The following DLG2 variants were observed in gnomAD, a reference collection of about 807,000 sequenced individuals.
The protein encoded by DLG2 is disks large homolog 2.
A neutral mutation model predicts 132.5 loss-of-function variants in DLG2; 45 were observed. The observed-to-expected ratio is 0.34, with a 90% CI of 0.27 to 0.44. DLG2 has a LOEUF of 0.44. DLG2 is among the 20% of genes least tolerant of loss of function. DLG2 has a pLI of 1.00. For synonymous variants in DLG2, 424 were observed against 419.6 expected, an observed-to-expected ratio of 1.01 and a Z score of -0.13; for missense variants, 1,045 against 1,196.9, an observed-to-expected ratio of 0.87 and a Z score of 1.87.
At chr11:84,271,100 T>A (rs2097716177) in intron 7 of DLG2, among the ~76,000 whole-genome samples, 1 of 152,012 alleles carries the variant, frequency 6.6e-6, no homozygotes, top group African/African-American at 2.4e-5. Flanking sequence ...AAATTGAGGG[T>A]CAGTTTATAA....
chr11:83,809,546 C>T (rs1470129833), intron 17 of DLG2, among the ~76,000 whole-genome samples: 4 of 152,174 alleles, frequency 2.6e-5, no homozygotes, highest in African/African-American at 9.7e-5. Context: ...CTTCTTAACA[C>T]CATCATTATA....
At chr11:85,610,520 G>A (rs116926484) in intron 2 of DLG2, among the ~76,000 whole-genome samples, 306 of 152,256 alleles carry the variant, frequency 2.0e-3, no homozygotes, top group Middle Eastern at 6.8e-3. Context: ...TTACACAGAC[G>A]ATCTTGCCCC....
chr11:84,316,930 G>C (rs930557353), intron 7 of DLG2: 2 of 1,612,724 alleles, frequency 1.2e-6, no homozygotes, highest in African/African-American at 2.7e-5. Flanking sequence ...TGTCCCACAA[G>C]GTCCTGTTGA....
chr11:85,617,484 C>T (rs1288038723), intron 2 of DLG2, among the ~76,000 whole-genome samples: 1 of 152,162 alleles, frequency 6.6e-6, no homozygotes, highest in Non-Finnish European at 1.5e-5. Context: ...ATCTGTCTTC[C>T]TAATATATTT....
intron 18 of DLG2, among the ~76,000 whole-genome samples, chr11:83,783,938 T>C (rs2094936842): frequency 6.6e-6 from 1 of 152,166 alleles, no homozygotes; most frequent in South Asian, 2.1e-4. Flanking sequence ...AAAATCTCTT[T>C]TCCTCAACTA....
chr11:84,852,211 T>C (rs1421960579), intron 6 of DLG2, among the ~76,000 whole-genome samples: 3 of 152,048 alleles, frequency 2.0e-5, no homozygotes, highest in Non-Finnish European at 2.9e-5. Flanking sequence ...ACTGATTACA[T>C]AGGGTCATTG....
At chr11:85,522,407 C>A (rs776620702) in intron 3 of DLG2, among the ~76,000 whole-genome samples, 2 of 152,120 alleles carry the variant, frequency 1.3e-5, no homozygotes, top group Admixed American at 1.3e-4. Flanking sequence ...TAGGGCAGTG[C>A]GGAAGGGAAA....
In DLG2 at chr11:85,408,844, C is replaced by T. The variant is rs966018757; in HGVS notation, c.41-123479G>A. Among the ~76,000 whole-genome samples the T allele has an allele frequency of 4.6e-5, 7 of 151,548 alleles. No homozygotes were observed. The South Asian group carries it at 1.2e-3, about 27-fold the overall frequency. On this transcript the variant is annotated intron_variant, in intron 3 of 27. Transcript: ENST00000376104. ...CAAGTCTTTGCTATTGTGAATAATG[C>T]CACAATAAACATACGTGTGCATGTG...
intron 4 of DLG2, among the ~76,000 whole-genome samples, chr11:85,241,278 A>C (rs564666366): frequency 6.6e-6 from 1 of 151,870 alleles, no homozygotes; most frequent in South Asian, 2.1e-4. Context: ...TATTTCTATT[A>C]ATTTGTTTAT....
Position 84,120,667 on chromosome 11 carries a change from C to A in DLG2, c.625-21620G>T, listed in dbSNP as rs1222894678. On this transcript the variant is annotated intron_variant, in intron 9 of 27. Coordinates refer to ENST00000376104, the MANE Select transcript of DLG2 (RefSeq NM_001142699.3). ...TAGGTTTCCTTCATTAAAAATTAAT[C>A]AAATAATCTAGACTGGGTGGCTTAG... 2.0e-5 allele frequency among the ~76,000 whole-genome samples: 3 copies of A among 152,190 alleles called. No individual in the cohort carries two copies. In the East Asian group the frequency reaches 5.8e-4, roughly 29 times the overall value.
intron 6 of DLG2, among the ~76,000 whole-genome samples, chr11:84,850,354 G>A (rs763095174): frequency 4.1e-5 from 6 of 145,982 alleles, no homozygotes; most frequent in Admixed American, 6.7e-5. Context: ...TAGCTGTAGC[G>A]GACCTTACCA....
intron 6 of DLG2, among the ~76,000 whole-genome samples, chr11:84,999,146 T>C (rs1358587745): frequency 6.6e-6 from 1 of 152,008 alleles, no homozygotes; most frequent in Non-Finnish European, 1.5e-5. Context: ...CACTCTTGGA[T>C]GAATCAATTA....
chr11:84,597,722 G>A (rs1565411757), intron 6 of DLG2, among the ~76,000 whole-genome samples: 1 of 152,266 alleles, frequency 6.6e-6, no homozygotes, highest in East Asian at 1.9e-4. Context: ...TGGGTGGATT[G>A]CACTGATATC....
At chr11:83,640,961 G>A (rs2066333616) in intron 18 of DLG2, among the ~76,000 whole-genome samples, 1 of 152,088 alleles carries the variant, frequency 6.6e-6, no homozygotes, top group Non-Finnish European at 1.5e-5. Context: ...GAGATGTTAA[G>A]AAAATACCAT....
intron 3 of DLG2, among the ~76,000 whole-genome samples, chr11:85,395,406 G>C (rs1167444444): frequency 2.6e-5 from 4 of 152,160 alleles, no homozygotes; most frequent in African/African-American, 9.7e-5. Context: ...GGACTGGTTG[G>C]ACAGTGGGTG....
chr11:83,465,755 A>G (rs2090909510), intron 26 of DLG2, among the ~76,000 whole-genome samples: 1 of 152,232 alleles, frequency 6.6e-6, no homozygotes, highest in South Asian at 2.1e-4. Flanking sequence ...TACTAGCTCT[A>G]TGAGGTATTT....
intron 5 of DLG2, among the ~76,000 whole-genome samples, chr11:85,145,683 A>G (rs1193619498): frequency 1.3e-5 from 2 of 151,970 alleles, no homozygotes; most frequent in African/African-American, 4.8e-5. Flanking sequence ...TTATTTAAAA[A>G]ATTATTTCAA....
chr11:84,432,720 G>A (rs2098988364), intron 7 of DLG2, among the ~76,000 whole-genome samples: 1 of 152,056 alleles, frequency 6.6e-6, no homozygotes, highest in Non-Finnish European at 1.5e-5. Context: ...CTAGTGTGCT[G>A]GTTTTTAAAA....
At chr11:83,507,743 A>G (rs1050486065) in intron 21 of DLG2, among the ~76,000 whole-genome samples, 1 of 135,128 alleles carries the variant, frequency 7.4e-6, no homozygotes, top group South Asian at 2.3e-4. Context: ...ATTTATATTT[A>G]CATATATATT....
Sources: allele counts gnomAD v4.1 joint callset (sites outside exome capture counted in the v4.1 genomes callset), GRCh38; gene constraint gnomAD v4.1.1; transcripts MANE v1.5; gene names NCBI Gene and HGNC (gene_info 2026-07-23, HGNC 2026-07-21).